The following NLRP5 variants were observed in gnomAD, a reference collection of about 807,000 sequenced individuals.
NLRP5 encodes NLR family pyrin domain containing 5.
Under a neutral mutation model 113.1 loss-of-function variants are expected in NLRP5, and 93 were observed. That is an observed-to-expected ratio of 0.82 (90% confidence interval 0.70 to 0.98). NLRP5 has a LOEUF of 0.98. Among genes scored for constraint, NLRP5 ranks in the 50% least tolerant of loss-of-function variants. The pLI is 0.00. For missense variants in NLRP5, 1,808 were observed against 1,514.3 expected, an observed-to-expected ratio of 1.19 and a Z score of -3.22; for synonymous variants, 751 against 600.7, an observed-to-expected ratio of 1.25 and a Z score of -3.66.
chr19:56,057,667 G>A (rs1173240214), intron 13 of NLRP5, among the ~76,000 whole-genome samples: 1 of 152,050 alleles, frequency 6.6e-6, no homozygotes, highest in Non-Finnish European at 1.5e-5. Context: ...ACTATAATTT[G>A]AGTTACCCAC....
At chr19:56,051,641 G>A (rs1983934999) in intron 12 of NLRP5, among the ~76,000 whole-genome samples, 1 of 152,164 alleles carries the variant, frequency 6.6e-6, no homozygotes, top group Admixed American at 6.5e-5. Context: ...CTCACATTGT[G>A]TCTGAGGATA....
chr19:56,033,842 C>T, intron 9 of NLRP5, 133 bp downstream of exon 9: 1 of 732,458 alleles, frequency 1.4e-6, no homozygotes, highest in African/African-American at 1.8e-5. Flanking sequence ...GTGACGATTG[C>T]AGGAGTTGAG....
intron 7 of NLRP5, among the ~76,000 whole-genome samples, chr19:56,029,515 CT>C (rs1404104754): frequency 6.6e-6 from 1 of 152,086 alleles, no homozygotes. Context: ...AGCCACCTGC[CT>C]TGGCCTCCCA....
rs1467818340 is a variant in NLRP5 at position 56,003,790 on chromosome 19, C to T, written c.137C>T (p.Ser46Phe). Residue 46 changes from serine (S) to phenylalanine (F), a missense_variant, in exon 2 of 15, where the codon TCT (serine) becomes TTT (phenylalanine). By Grantham distance (155) the Ser-to-Phe change is radical. Transcript: ENST00000390649. Reference sequence around the variant, plus strand: ...CCACTTTTCCCCCAAAACCTGAGCTCTCAGCCTTGTATCAAGATGGAAGGA... The same window carrying T: ...CCACTTTTCCCCCAAAACCTGAGCTTTCAGCCTTGTATCAAGATGGAAGGA... The T allele has an allele frequency of 3.1e-6, 5 of 1,613,848 alleles. No homozygotes were observed. The highest frequency in any genetic ancestry group is 1.7e-5 in the Admixed American group (1 of 59,986).
chr19:56,023,602 C>T (rs1015065570), intron 6 of NLRP5, among the ~76,000 whole-genome samples: 3 of 151,942 alleles, frequency 2.0e-5, no homozygotes, highest in African/African-American at 4.8e-5. Flanking sequence ...GATGACTTAA[C>T]CTACGTGGGA....
intron 4 of NLRP5, among the ~76,000 whole-genome samples, chr19:56,017,008 C>T (rs189516181): frequency 3.3e-5 from 5 of 152,218 alleles, no homozygotes; most frequent in Admixed American, 3.3e-4. Flanking sequence ...GGGGTTTCAC[C>T]GTGTTAGGCA....
rs907764088 is a variant in NLRP5 at position 56,028,102 on chromosome 19, G to A, written c.1869G>A (p.Gln623=). The change falls in exon 7 of 15, where the codon CAG becomes CAA. Residue 623 remains glutamine, a synonymous_variant. Transcript: ENST00000390649. ...CAAAGAGGTCCATGGAGCTTAAACA[G>A]GCAGGCTTCCATATCCACTCGCTTT... The A allele has an allele frequency of 1.2e-6, 2 of 1,614,004 alleles. No homozygotes were observed. The highest frequency in any genetic ancestry group is 1.7e-5 in the Admixed American group (1 of 60,018).
chr19:56,030,714 C>CTTTTTTGTTTTTTTTT (rs1983068210), intron 7 of NLRP5, among the ~76,000 whole-genome samples: 1 of 71,350 alleles, frequency 1.4e-5, no homozygotes, highest in Non-Finnish European at 2.3e-5. Context: ...CTTTCTTCTT[C>CTTTTTTGTTTTTTTTT]TTTTTTTTTT....
intron 2 of NLRP5, among the ~76,000 whole-genome samples, chr19:56,004,655 G>T (rs1312684545): frequency 6.6e-6 from 1 of 152,158 alleles, no homozygotes; most frequent in Non-Finnish European, 1.5e-5. Flanking sequence ...AGTGCAGCAA[G>T]AATTCGGATC....
intron 2 of NLRP5, among the ~76,000 whole-genome samples, chr19:56,004,703 T>G (rs1194148670): frequency 6.6e-6 from 1 of 152,112 alleles, no homozygotes; most frequent in Non-Finnish European, 1.5e-5. Flanking sequence ...AGGAGAAAGG[T>G]CATTTAGAAA....
In NLRP5 at chr19:56,048,979, A is replaced by AATT. The variant is rs1555770466; in HGVS notation, c.2958-1439_2958-1438insATT. ...CTTCAAGCTCTGATTTTTTTTTTTA[A>AATT]TTTTTTTTTTTTTTTTTTTTGAGAC... On this transcript the variant is annotated intron_variant, in intron 11 of 14. Transcript: ENST00000390649. Among the ~76,000 whole-genome samples, 10 of 94,954 alleles carry AATT rather than the reference A, an allele frequency of 1.1e-4. 1 individual carries two copies. Among genetic ancestry groups the AATT allele is most frequent in the Admixed American group, 2.7e-4 (2 of 7,408 alleles). The allele number at this position is 94,954 out of a possible 152,430, so 62.3% of individuals were successfully genotyped here. A position where few individuals can be genotyped will look rare whatever the true frequency, so the allele number is the denominator to read the frequency against.
intron 2 of NLRP5, among the ~76,000 whole-genome samples, 181 bp from the exon 3 acceptor site, chr19:56,008,607 C>T (rs537508988): frequency 6.6e-6 from 1 of 152,288 alleles, no homozygotes; most frequent in African/African-American, 2.4e-5. Flanking sequence ...CAGTGTGCTT[C>T]TGCTGGCTCA....
chr19:56,055,537 CTT>C (rs1160965587), intron 13 of NLRP5, among the ~76,000 whole-genome samples: 1,010 of 76,328 alleles, frequency 0.013, 32 homozygotes, highest in Non-Finnish European at 0.019. Flanking sequence ...CTTTCTCTGT[CTT>C]TTTTTTTTTT....
chr19:56,036,961 T>A (rs1385351444), intron 9 of NLRP5, among the ~76,000 whole-genome samples: 2 of 151,848 alleles, frequency 1.3e-5, no homozygotes, highest in Non-Finnish European at 2.9e-5. Context: ...TCTCAAAAAA[T>A]AATAATAATA....
At chr19:56,013,596 G>GTTTTTTTTTTTTTTTTTTTTTTGTTTTT (rs71183002) in intron 3 of NLRP5, among the ~76,000 whole-genome samples, 1 of 59,284 alleles carries the variant, frequency 1.7e-5, no homozygotes, top group Non-Finnish European at 2.9e-5. Flanking sequence ...GGACATTTGG[G>GTTTTTTTTTTTTTTTTTTTTTTGTTTTT]TTTTTTTTTT....
intron 11 of NLRP5, among the ~76,000 whole-genome samples, chr19:56,043,875 C>CCTCTGCTG (rs1175959281): frequency 9.5e-4 from 144 of 151,886 alleles, no homozygotes; most frequent in African/African-American, 3.4e-3. Flanking sequence ...CCACGCCTGG[C>CCTCTGCTG]CTCTGCTGAC....
chr19:56,033,564 C>T lies in NLRP5; in HGVS notation c.2470C>T (p.Pro824Ser). ...CAGGTTTAGAAATGCACAGATTACC[C>T]CTGGTGTGCAGCACCTCTGGAGAAT... Residue 824 changes from proline (P) to serine (S), a missense_variant, in exon 9 of 15, where the codon CCT (proline) becomes TCT (serine). Coordinates refer to ENST00000390649, the MANE Select transcript of NLRP5 (RefSeq NM_153447.4). The T allele has an allele frequency of 6.2e-7, 1 of 1,613,606 alleles. No individual in the cohort carries two copies. Among genetic ancestry groups the T allele is most frequent in the Non-Finnish European group, 8.5e-7 (1 of 1,179,626 alleles).
At chr19:56,048,254 C>T (rs923065975) in intron 11 of NLRP5, among the ~76,000 whole-genome samples, 3 of 152,156 alleles carry the variant, frequency 2.0e-5, no homozygotes, top group Non-Finnish European at 2.9e-5. Flanking sequence ...ATTCATCGTT[C>T]TCTTTGTTGC....
At chr19:55,987,044 C>G in the NLRP5 span, among the ~76,000 whole-genome samples, 1 of 152,184 alleles carries the variant, frequency 6.6e-6, no homozygotes, top group Non-Finnish European at 1.5e-5. Flanking sequence ...TTAGGTAAGT[C>G]TCTCGTCCTT....
Sources: allele counts gnomAD v4.1 joint callset (sites outside exome capture counted in the v4.1 genomes callset), GRCh38; gene constraint gnomAD v4.1.1; transcripts MANE v1.5; gene names NCBI Gene and HGNC (gene_info 2026-07-23, HGNC 2026-07-21).